Variants in NPSR1 observed in about 807,000 individuals in gnomAD.
NPSR1 encodes the protein neuropeptide S receptor.
In NPSR1, 48 loss-of-function variants were observed where a neutral mutation model predicts 46.9. The ratio of observed to expected loss-of-function variants is 1.02; its 90% CI spans 0.81 to 1.30. The LOEUF (loss-of-function observed/expected upper bound fraction) is 1.30, where lower values mean the gene tolerates loss of function less well. Ranked by LOEUF, NPSR1 falls within the 50% of genes most tolerant of loss-of-function variation. The pLI is 0.00. For missense variants in NPSR1, 450 were observed against 449.5 expected (o/e 1.00, Z -0.01); for synonymous variants, 176 against 168.1 (o/e 1.05, Z -0.36).
intron 2 of NPSR1, among the ~76,000 whole-genome samples, chr7:34,702,286 C>T (rs1366773118): frequency 1.3e-5 from 2 of 152,194 alleles, no homozygotes; most frequent in Non-Finnish European, 2.9e-5. Context: ...AATTCCCACC[C>T]ATTAGTTTTT....
At chr7:34,822,756 T>G (rs916408674) in intron 4 of NPSR1, among the ~76,000 whole-genome samples, 4 of 152,120 alleles carry the variant, frequency 2.6e-5, no homozygotes, top group Admixed American at 2.6e-4. Flanking sequence ...AAAGTAAATT[T>G]TAGTTGGATT....
intron 3 of NPSR1, among the ~76,000 whole-genome samples, chr7:34,789,730 T>C (rs1787632419): frequency 8.4e-6 from 1 of 119,512 alleles, no homozygotes; most frequent in Non-Finnish European, 1.6e-5. Context: ...GAGGCAGAAG[T>C]TGCAGTGCGC....
chr7:34,862,601 T>C lies in NPSR1; in HGVS notation c.1025+13938T>C, dbSNP rs187996291. Among the ~76,000 whole-genome samples, 21 of 151,928 alleles carry C rather than the reference T, an allele frequency of 1.4e-4. No homozygotes were observed. In the East Asian group the frequency reaches 4.0e-3, roughly 29 times the overall value. On this transcript the variant is annotated intron_variant, in intron 8 of 8. Coordinates refer to the NPSR1 transcript ENST00000359791. ...CTAACTCATACAGCTTCTCTGTAGA[T>C]ACTTTTGGGAACATCAGTGGACAAG...
chr7:34,773,100 G>A (rs1471840223), intron 2 of NPSR1, among the ~76,000 whole-genome samples: 1 of 152,164 alleles, frequency 6.6e-6, no homozygotes, highest in Non-Finnish European at 1.5e-5. Context: ...CAATGGGAGT[G>A]ATGTTAACTT....
chr7:34,671,398 T>C (rs981256311), intron 1 of NPSR1, among the ~76,000 whole-genome samples: 1 of 152,202 alleles, frequency 6.6e-6, no homozygotes, highest in Non-Finnish European at 1.5e-5. Context: ...AGATACACCA[T>C]GCCACCTCTC....
chr7:34,844,656 T>C (rs2128763671), intron 6 of NPSR1, among the ~76,000 whole-genome samples: 1 of 152,312 alleles, frequency 6.6e-6, no homozygotes, highest in South Asian at 2.1e-4. Context: ...ACCAAGTCTC[T>C]TGAGAGAGTC....
chr7:34,741,381 T>A (rs1784933422), intron 2 of NPSR1, among the ~76,000 whole-genome samples: 1 of 152,228 alleles, frequency 6.6e-6, no homozygotes, highest in African/African-American at 2.4e-5. Context: ...CTCTTTGATT[T>A]ACTTGTACAT....
intron 2 of NPSR1, chr7:34,751,941 T>G (rs530369078): frequency 3.2e-6 from 4 of 1,237,134 alleles, no homozygotes; most frequent in Non-Finnish European, 4.8e-6. Context: ...CTGAGGCAAC[T>G]GGAAGTGGGG....
chr7:34,840,686 A>G (rs948427032), intron 6 of NPSR1, among the ~76,000 whole-genome samples: 1 of 152,216 alleles, frequency 6.6e-6, no homozygotes, highest in Non-Finnish European at 1.5e-5. Context: ...GCTGTGGAGC[A>G]TCTGCTGCCC....
At chr7:34,840,701 G>C (rs753415489) in intron 6 of NPSR1, among the ~76,000 whole-genome samples, 1 of 152,180 alleles carries the variant, frequency 6.6e-6, no homozygotes, top group Non-Finnish European at 1.5e-5. Context: ...CTGCCCAGCC[G>C]GAGCCCCTCA....
intron 8 of NPSR1, among the ~76,000 whole-genome samples, chr7:34,849,045 T>C (rs948908681): frequency 1.2e-4 from 18 of 152,230 alleles, no homozygotes; most frequent in Admixed American, 2.0e-4. Context: ...AATAGCATCA[T>C]TGAGTTTATA....
intron 2 of NPSR1, among the ~76,000 whole-genome samples, chr7:34,693,443 G>A (rs943619821): frequency 2.0e-5 from 3 of 152,220 alleles, no homozygotes; most frequent in South Asian, 2.1e-4. Flanking sequence ...ATTGAACCAG[G>A]AAAGAGTAGA....
chr7:34,756,461 C>A (rs141104714), intron 2 of NPSR1, among the ~76,000 whole-genome samples: 2 of 152,222 alleles, frequency 1.3e-5, no homozygotes, highest in Non-Finnish European at 2.9e-5. Context: ...AGGGGTCAAC[C>A]AAATTTCTCT....
At chr7:34,743,065 G>A (rs1206337675) in intron 2 of NPSR1, among the ~76,000 whole-genome samples, 1 of 152,126 alleles carries the variant, frequency 6.6e-6, no homozygotes, top group Non-Finnish European at 1.5e-5. Context: ...TTTGTCAAAT[G>A]AGAGTTTGAA....
In NPSR1 at chr7:34,865,483, C is replaced by A. The variant is rs1397235702; in HGVS notation, c.1026-12593C>A. The stretch of plus-strand genomic sequence containing the variant: ...ATCCAAGCGACTTAAGCCCCTCTTT[C>A]TTCCCTGGTAGGAGTGAGGGAGCTT... On this transcript the variant is annotated intron_variant, in intron 8 of 8. Transcript: ENST00000359791. Among the ~76,000 whole-genome samples the A allele has an allele frequency of 3.3e-5, 5 of 151,806 alleles. No homozygotes were observed. The East Asian group carries it at 7.7e-4, about 23-fold the overall frequency.
intron 1 of NPSR1, among the ~76,000 whole-genome samples, chr7:34,680,131 A>C (rs1792547596): frequency 6.6e-6 from 1 of 152,144 alleles, no homozygotes; most frequent in African/African-American, 2.4e-5. Context: ...TTATAACCTC[A>C]TCATTGTTCT....
At chr7:34,842,652 G>A (rs1054423025) in intron 6 of NPSR1, among the ~76,000 whole-genome samples, 4 of 152,234 alleles carry the variant, frequency 2.6e-5, no homozygotes, top group African/African-American at 9.6e-5. Flanking sequence ...GTAGTTAGGA[G>A]TGGCCTTACA....
chr7:34,863,219 C>T (rs1791230242), intron 8 of NPSR1, among the ~76,000 whole-genome samples: 1 of 151,804 alleles, frequency 6.6e-6, no homozygotes, highest in Non-Finnish European at 1.5e-5. Flanking sequence ...ATGCCTTATA[C>T]AAAAATTAAC....
intron 2 of NPSR1, among the ~76,000 whole-genome samples, chr7:34,749,738 G>C (rs1335498468): frequency 6.6e-6 from 1 of 152,214 alleles, no homozygotes; most frequent in East Asian, 1.9e-4. Flanking sequence ...CACAATTAAA[G>C]TTCAATTTCG....
Sources: allele counts gnomAD v4.1 joint callset (sites outside exome capture counted in the v4.1 genomes callset), GRCh38; gene constraint gnomAD v4.1.1; transcripts MANE v1.5; gene names NCBI Gene and HGNC (gene_info 2026-07-23, HGNC 2026-07-21).